Variants in DERA observed in about 807,000 individuals in gnomAD.
The protein encoded by DERA is deoxyribose-phosphate aldolase.
Under a neutral mutation model 41.1 loss-of-function variants are expected in DERA, and 15 were observed. The ratio of observed to expected loss-of-function variants is 0.37; its 90% CI spans 0.24 to 0.56. The LOEUF (loss-of-function observed/expected upper bound fraction) is 0.56. DERA is among the 20% of genes least tolerant of loss of function. The pLI, the probability that DERA is intolerant of heterozygous loss-of-function variation, is 0.81. For missense variants in DERA, 396 were observed against 403.4 expected, an observed-to-expected ratio of 0.98 and a Z score of 0.16; for synonymous variants, 139 against 137.4, an observed-to-expected ratio of 1.01 and a Z score of -0.08.
rs1336977484 is a variant in DERA, at chr12:16,003,389, T to C, written c.637+20953T>C. On this transcript the variant is annotated intron_variant, in intron 6 of 8. Coordinates refer to ENST00000428559, the MANE Select transcript of DERA (RefSeq NM_015954.4). The surrounding 1 kb of genome is among the most constrained non-coding windows in gnomAD (Gnocchi z 4.8). The stretch of plus-strand genomic sequence containing the variant: ...TTCTTACATGCTAGGGGTTAGGACT[T>C]CCACCTATGAATTTTGGGGGGCTCC... 6.6e-6 allele frequency among the ~76,000 whole-genome samples: 1 copy of C among 152,208 alleles called. No homozygotes were observed. The highest frequency in any genetic ancestry group is 1.5e-5 in the Non-Finnish European group (1 of 68,040).
At chr12:15,962,747 C>T (rs1948596384) in intron 4 of DERA, 66 bp from the exon 5 acceptor site, 3 of 1,408,192 alleles carry the variant, frequency 2.1e-6, no homozygotes, top group Non-Finnish European at 2.9e-6. Flanking sequence ...TTTCCCCTCC[C>T]CCCCTTGCTT....
In DERA at chr12:15,988,490, C is replaced by T. The variant is rs1281503451; in HGVS notation, c.637+6054C>T. 6.6e-6 allele frequency among the ~76,000 whole-genome samples: 1 copy of T among 152,152 alleles called. No homozygotes were observed. Among genetic ancestry groups the T allele is most frequent in the Non-Finnish European group, 1.5e-5 (1 of 68,012 alleles). On this transcript the variant is annotated intron_variant, in intron 6 of 8. Transcript: ENST00000428559. The surrounding 1 kb of genome is among the most constrained non-coding windows in gnomAD (Gnocchi z 6.0). ...GTAGTGGGTAGCTCCTTTTTGCAGG[C>T]AGGTCGTCCCTGTGAGTGTGTGAGT...
chr12:15,992,570 A>G lies in DERA; in HGVS notation c.637+10134A>G, dbSNP rs1948809459. On this transcript the variant is annotated intron_variant, in intron 6 of 8. Transcript: ENST00000428559. The surrounding 1 kb of genome is among the most constrained non-coding windows in gnomAD (Gnocchi z 4.3). ...GTAAGGGAAGTACAAATACAGGAGGAACTAAAGTAGGAGCAAACAATTTGA... is the reference window on the plus strand; with the variant it reads ...GTAAGGGAAGTACAAATACAGGAGGGACTAAAGTAGGAGCAAACAATTTGA... Among the ~76,000 whole-genome samples the G allele has an allele frequency of 6.6e-6, 1 of 152,144 alleles. No homozygotes were observed. Among genetic ancestry groups the G allele is most frequent in the Non-Finnish European group, 1.5e-5 (1 of 67,994 alleles).
chr12:15,952,544 A>G (rs1948506438), intron 1 of DERA, among the ~76,000 whole-genome samples: 1 of 152,344 alleles, frequency 6.6e-6, no homozygotes, highest in South Asian at 2.1e-4. Context: ...TAAAAAAAAT[A>G]AAAAGGAACA....
chr12:16,033,581 T>TTG (rs146182174), intron 7 of DERA, among the ~76,000 whole-genome samples: 24,888 of 127,370 alleles, frequency 0.2, 2,416 homozygotes, highest in Middle Eastern at 0.24. Context: ...GAGAGCAAGG[T>TTG]TGTGTGTGTG....
rs1949118937 is a variant in DERA at position 16,035,139 on chromosome 12, T to C, written c.751-1093T>C. ...ACAAGTGAGAGTGCAGTGGAAAGAG[T>C]GCATGTGAGGGGGTAAGGAAGGTAA... is the stretch of plus-strand genomic sequence containing the variant. On this transcript the variant is annotated intron_variant, in intron 7 of 8. Transcript: ENST00000428559. This position sits in a 1 kb window ranked among gnomAD's most constrained non-coding sequence, Gnocchi z 4.1. Among the ~76,000 whole-genome samples the C allele has an allele frequency of 6.6e-6, 1 of 151,962 alleles. No homozygotes were observed. The highest frequency in any genetic ancestry group is 1.5e-5 in the Non-Finnish European group (1 of 68,000).
At chr12:15,986,627 G>A (rs1378479472) in intron 6 of DERA, among the ~76,000 whole-genome samples, 1 of 152,094 alleles carries the variant, frequency 6.6e-6, no homozygotes, top group Non-Finnish European at 1.5e-5. Flanking sequence ...TTGGTTCTTT[G>A]AGTTATTTTA....
At chr12:15,939,363 CTGTTTTTAGCCACAA>C (rs1948393528) in intron 1 of DERA, among the ~76,000 whole-genome samples, 1 of 152,134 alleles carries the variant, frequency 6.6e-6, no homozygotes, top group African/African-American at 2.4e-5. Context: ...AGAATGACTG[CTGTTTTTAGCCACAA>C]TGTTTTGTGG....
intron 5 of DERA, among the ~76,000 whole-genome samples, chr12:15,969,938 G>A (rs983258437): frequency 2.0e-5 from 3 of 152,130 alleles, no homozygotes; most frequent in African/African-American, 7.2e-5. Flanking sequence ...CTGGAAATAC[G>A]ACAACTGTAT....
chr12:16,032,575 A>G lies in DERA; in HGVS notation c.671A>G (p.Glu224Gly). Residue 224 changes from glutamate (E) to glycine (G), a missense_variant, in exon 7 of 9, where the codon GAA becomes GGA. Transcript: ENST00000428559. ...SDFIKTSTGK[E>G]TVNATFPVAI... ...TTTATTAAGACCTCTACTGGAAAAGAAACAGTAAATGCCACCTTCCCGGTA... is the reference window on the plus strand; with the variant it reads ...TTTATTAAGACCTCTACTGGAAAAGGAACAGTAAATGCCACCTTCCCGGTA... 2 of 1,560,438 alleles carry G rather than the reference A, an allele frequency of 1.3e-6. No homozygotes were observed. Among genetic ancestry groups the G allele is most frequent in the Non-Finnish European group, 1.7e-6 (2 of 1,152,912 alleles).
chr12:16,027,922 A>G (rs187511454), intron 6 of DERA, among the ~76,000 whole-genome samples: 1 of 152,360 alleles, frequency 6.6e-6, no homozygotes, highest in African/African-American at 2.4e-5. Context: ...TTTCCTGTCT[A>G]GCAGCAGTGT....
At chr12:15,942,116 ATGT>A (rs1177614919) in intron 1 of DERA, among the ~76,000 whole-genome samples, 1 of 152,172 alleles carries the variant, frequency 6.6e-6, no homozygotes, top group Non-Finnish European at 1.5e-5. Flanking sequence ...ATAATTAGTG[ATGT>A]TGACCTTTTT....
intron 1 of DERA, among the ~76,000 whole-genome samples, chr12:15,945,818 A>G (rs911109238): frequency 1.3e-5 from 2 of 152,146 alleles, no homozygotes; most frequent in African/African-American, 4.8e-5. Flanking sequence ...CAGTTTTCAA[A>G]GGGAATGCTT....
intron 1 of DERA, among the ~76,000 whole-genome samples, chr12:15,950,928 A>G (rs1274134122): frequency 6.6e-5 from 10 of 152,222 alleles, no homozygotes; most frequent in Non-Finnish European, 2.9e-5. Flanking sequence ...TATTAGTTGA[A>G]TGAATGAATG....
At position 16,008,373 on chromosome 12, in the gene DERA, C is replaced by T. The variant is rs1430412716; in HGVS notation, c.638-24169C>T. Reference sequence around the variant, plus strand: ...CACATTTTATTCAGTTGGACTCTGACTCCTGTCTGATTTGCCAGTGTAGAT... The same window carrying T: ...CACATTTTATTCAGTTGGACTCTGATTCCTGTCTGATTTGCCAGTGTAGAT... On this transcript the variant is annotated intron_variant, in intron 6 of 8. Coordinates refer to ENST00000428559, the MANE Select transcript of DERA (RefSeq NM_015954.4). This position sits in a 1 kb window ranked among gnomAD's most constrained non-coding sequence, Gnocchi z 4.8. Among the ~76,000 whole-genome samples, 1 of 152,204 alleles carries T rather than the reference C, an allele frequency of 6.6e-6. No homozygotes were observed. The highest frequency in any genetic ancestry group is 2.4e-5 in the African/African-American group (1 of 41,446).
intron 5 of DERA, among the ~76,000 whole-genome samples, chr12:15,978,766 C>T (rs1948714988): frequency 6.6e-6 from 1 of 151,984 alleles, no homozygotes; most frequent in East Asian, 1.9e-4. Flanking sequence ...TTTGTAAGTC[C>T]CTCTGTAATC....
rs2136183733 is a variant in DERA, at chr12:16,019,320, A to G, written c.638-13222A>G. On this transcript the variant is annotated intron_variant, in intron 6 of 8. Transcript: ENST00000428559. This position sits in a 1 kb window ranked among gnomAD's most constrained non-coding sequence, Gnocchi z 4.4. ...TGTCTGCATGCCTGAACTATTTTTA[A>G]TATCTTGTGGTCTCTGACTCTCAAT... Among the ~76,000 whole-genome samples, 1 of 152,208 alleles carries G rather than the reference A, an allele frequency of 6.6e-6. No individual in the cohort carries two copies. The highest frequency in any genetic ancestry group is 1.9e-4 in the East Asian group (1 of 5,196).
At chr12:16,005,439 A>G (rs1948902543) in intron 6 of DERA, among the ~76,000 whole-genome samples, 1 of 152,042 alleles carries the variant, frequency 6.6e-6, no homozygotes, top group African/African-American at 2.4e-5. Context: ...TAACAGAGAG[A>G]AAAAAAATTA....
chr12:15,919,056 C>T (rs1591997468), intron 1 of DERA, among the ~76,000 whole-genome samples: 1 of 152,056 alleles, frequency 6.6e-6, no homozygotes, highest in South Asian at 2.1e-4. Flanking sequence ...TAGATTTTAA[C>T]TGGGGCATCC....
Sources: gnomAD v4.1 joint callset for allele counts (sites outside exome capture counted in the v4.1 genomes callset) on GRCh38, gnomAD v4.1.1 for gene constraint, Gnocchi (gnomAD v3.1) non-coding constraint, MANE v1.5 for transcripts, NCBI Gene and HGNC (gene_info 2026-07-23, HGNC 2026-07-21) for gene names.